EXOC6B: variants seen among roughly 807,000 people sequenced by gnomAD.
EXOC6B encodes the protein SEC15 homolog B.
In EXOC6B, 54 loss-of-function variants were observed where a neutral mutation model predicts 113.5. The observed-to-expected ratio is 0.48, with a 90% CI of 0.38 to 0.60. The LOEUF is 0.60. Among genes scored for constraint, EXOC6B ranks in the 20% least tolerant of loss-of-function variants. The pLI is 0.00. For synonymous variants in EXOC6B, 357 were observed against 339.0 expected, an observed-to-expected ratio of 1.05 and a Z score of -0.58; for missense variants, 797 against 977.5, an observed-to-expected ratio of 0.82 and a Z score of 2.46.
intron 1 of EXOC6B, among the ~76,000 whole-genome samples, chr2:72,801,621 T>A (rs551635553): frequency 6.6e-6 from 1 of 152,246 alleles, no homozygotes; most frequent in South Asian, 2.1e-4. Context: ...TTCTGTAACA[T>A]GAAAATAAAG....
intron 7 of EXOC6B, among the ~76,000 whole-genome samples, chr2:72,572,362 T>C (rs570228943): frequency 6.6e-6 from 1 of 152,290 alleles, no homozygotes; most frequent in African/African-American, 2.4e-5. Flanking sequence ...GTGATTCCCA[T>C]GCACATTAAA....
intron 6 of EXOC6B, among the ~76,000 whole-genome samples, chr2:72,687,762 G>C (rs1203631975): frequency 1.3e-5 from 2 of 152,052 alleles, no homozygotes; most frequent in African/African-American, 4.8e-5. Context: ...TCTCACCACA[G>C]CAAAAAGTTG....
intron 19 of EXOC6B, among the ~76,000 whole-genome samples, chr2:72,355,163 G>A (rs946934276): frequency 1.3e-5 from 2 of 152,078 alleles, no homozygotes; most frequent in Non-Finnish European, 2.9e-5. Context: ...CTCCTACAGA[G>A]AAAACAAGGA....
chr2:72,539,370 T>C (rs554957811), intron 8 of EXOC6B, among the ~76,000 whole-genome samples: 1 of 152,324 alleles, frequency 6.6e-6, no homozygotes, highest in Non-Finnish European at 1.5e-5. Context: ...GTTCAAACAA[T>C]GGGATATTTG....
intron 6 of EXOC6B, among the ~76,000 whole-genome samples, chr2:72,690,291 AT>A (rs1677391235): frequency 6.6e-6 from 1 of 152,192 alleles, no homozygotes; most frequent in Admixed American, 6.6e-5. Context: ...CTTTTCCCAT[AT>A]CCCCATGTCC....
At chr2:72,625,543 A>G (rs1322031641) in intron 6 of EXOC6B, among the ~76,000 whole-genome samples, 1 of 152,076 alleles carries the variant, frequency 6.6e-6, no homozygotes, top group African/African-American at 2.4e-5. Flanking sequence ...AGTTTCCCCT[A>G]TTGTCCTCAT....
intron 7 of EXOC6B, among the ~76,000 whole-genome samples, chr2:72,570,273 TG>T (rs1045905594): frequency 6.6e-6 from 1 of 152,176 alleles, no homozygotes; most frequent in Non-Finnish European, 1.5e-5. Context: ...CTAACCCTGG[TG>T]GAACCTTGAT....
chr2:72,504,324 T>A (rs1700488282), intron 11 of EXOC6B, among the ~76,000 whole-genome samples: 1 of 152,216 alleles, frequency 6.6e-6, no homozygotes, highest in Admixed American at 6.5e-5. Context: ...ATTCTCCTAT[T>A]GTCCTTAATT....
chr2:72,397,256 T>A (rs1356102906), intron 18 of EXOC6B, among the ~76,000 whole-genome samples: 1 of 152,158 alleles, frequency 6.6e-6, no homozygotes, highest in Admixed American at 6.6e-5. Flanking sequence ...GTCAAAAGGA[T>A]AACAAAGACC....
intron 20 of EXOC6B, among the ~76,000 whole-genome samples, chr2:72,206,186 C>T (rs1424981944): frequency 1.3e-5 from 2 of 152,166 alleles, no homozygotes; most frequent in Non-Finnish European, 2.9e-5. Flanking sequence ...AATTGAGGCA[C>T]AGGACAATTT....
At chr2:72,586,069 C>T (rs1705548759) in intron 6 of EXOC6B, among the ~76,000 whole-genome samples, 1 of 152,022 alleles carries the variant, frequency 6.6e-6, no homozygotes, top group South Asian at 2.1e-4. Context: ...GAAGCTGGAC[C>T]CCTGTCTTTC....
At chr2:72,241,498 A>T (rs72835276) in intron 20 of EXOC6B, among the ~76,000 whole-genome samples, 5 of 152,054 alleles carry the variant, frequency 3.3e-5, no homozygotes, top group African/African-American at 1.2e-4. Flanking sequence ...CAGATCCAGG[A>T]ATCTTGGAGA....
At chr2:72,425,034 A>G (rs372112171) in intron 18 of EXOC6B, among the ~76,000 whole-genome samples, 2 of 152,106 alleles carry the variant, frequency 1.3e-5, no homozygotes, top group South Asian at 4.2e-4. Context: ...GCTCTCCTCT[A>G]TGTGTCCATG....
At chr2:72,372,619 G>A (rs773023426) in intron 19 of EXOC6B, among the ~76,000 whole-genome samples, 8 of 152,158 alleles carry the variant, frequency 5.3e-5, no homozygotes, top group Admixed American at 2.0e-4. Context: ...GCCGAGGTGG[G>A]AGGATCATGA....
In EXOC6B at chr2:72,513,174, T is replaced by C; in HGVS notation, c.1125A>G (p.Glu375=). The part of the protein sequence containing the change: ...VNRAYIDELW[E]MALSKTIAAL... The stretch of plus-strand genomic sequence containing the variant: ...CTGCGATGGTTTTTGAAAGTGCCAT[T>C]TCCCACAGTTCATCAATGTAGGCTC... The change falls in exon 11 of 22, where the codon GAA becomes GAG. Residue 375 remains glutamate (E), a synonymous_variant. Coordinates refer to ENST00000272427, the MANE Select transcript of EXOC6B (RefSeq NM_015189.3). The C allele has an allele frequency of 1.2e-6, 2 of 1,613,382 alleles. No homozygotes were observed. The highest frequency in any genetic ancestry group is 2.2e-5 in the South Asian group (2 of 91,058).
chr2:72,179,488 C>A (rs752292695), intron 21 of EXOC6B, 27 bp from the exon 22 acceptor site: 63 of 1,613,268 alleles, frequency 3.9e-5, no homozygotes, highest in Non-Finnish European at 5.3e-5. Context: ...AGAAAGAGGG[C>A]AACATGTTTG....
At chr2:72,356,237 G>C (rs1325518934) in intron 19 of EXOC6B, among the ~76,000 whole-genome samples, 1 of 152,048 alleles carries the variant, frequency 6.6e-6, no homozygotes, top group Non-Finnish European at 1.5e-5. Flanking sequence ...ATATTCTTTA[G>C]TTTCTTCTGA....
chr2:72,488,680 T>G (rs932822429), intron 16 of EXOC6B, among the ~76,000 whole-genome samples: 12 of 152,064 alleles, frequency 7.9e-5, no homozygotes, highest in Non-Finnish European at 4.4e-5. Context: ...TATCCAATCA[T>G]CAGGAAAGCA....
At position 72,785,906 on chromosome 2, in the gene EXOC6B, T is replaced by A. The variant is rs190790498; in HGVS notation, c.113+39892A>T. 7.2e-5 allele frequency among the ~76,000 whole-genome samples: 11 copies of A among 152,310 alleles called. 1 individual carries two copies. The East Asian group carries it at 2.1e-3, about 29-fold the overall frequency. ...TAGTCAGGCTGCAAATTTTCCAAAC[T>A]TTTATGCTCTGCTTCACTTATAAAG... is the stretch of plus-strand genomic sequence containing the variant. On this transcript the variant is annotated intron_variant, in intron 1 of 21. Coordinates refer to ENST00000272427, the MANE Select transcript of EXOC6B (RefSeq NM_015189.3).
Sources: allele counts gnomAD v4.1 joint callset (sites outside exome capture counted in the v4.1 genomes callset), GRCh38; gene constraint gnomAD v4.1.1; transcripts MANE v1.5; gene names NCBI Gene and HGNC (gene_info 2026-07-23, HGNC 2026-07-21).